Variants in CSMD1 observed in about 807,000 individuals in gnomAD.
CSMD1 encodes the protein CUB and Sushi multiple domains 1, also known as CUB and sushi domain-containing protein 1.
Under a neutral mutation model 417.5 loss-of-function variants are expected in CSMD1, and 213 were observed. The observed-to-expected ratio is 0.51, with a 90% CI of 0.46 to 0.57. The LOEUF is 0.57. Ranked by LOEUF, CSMD1 falls within the 20% of genes least tolerant of loss-of-function variation. The pLI is 0.00. For missense variants in CSMD1, 6,923 were observed against 4,529.7 expected, an observed-to-expected ratio of 1.53 and a Z score of -15.17; for synonymous variants, 2,862 against 1,736.8, an observed-to-expected ratio of 1.65 and a Z score of -16.11.
At chr8:3,907,037 G>T (rs755722496) in intron 5 of CSMD1, among the ~76,000 whole-genome samples, 1 of 152,074 alleles carries the variant, frequency 6.6e-6, no homozygotes, top group East Asian at 1.9e-4. Context: ...AAAAATGGCT[G>T]GGAGAGCTTA....
At chr8:4,294,507 C>A (rs1219805963) in intron 3 of CSMD1, among the ~76,000 whole-genome samples, 1 of 152,108 alleles carries the variant, frequency 6.6e-6, no homozygotes, top group African/African-American at 2.4e-5. Flanking sequence ...AGGATAATGC[C>A]ATGAGTTCCT....
intron 3 of CSMD1, among the ~76,000 whole-genome samples, chr8:4,413,327 G>C (rs796150217): frequency 6.6e-6 from 1 of 152,104 alleles, no homozygotes; most frequent in African/African-American, 2.4e-5. Flanking sequence ...CGCTCGTGGG[G>C]CTGCCCAAAC....
intron 5 of CSMD1, among the ~76,000 whole-genome samples, chr8:3,955,650 T>C (rs1405231516): frequency 6.6e-6 from 1 of 152,118 alleles, no homozygotes; most frequent in African/African-American, 2.4e-5. Flanking sequence ...TACTTCCTCT[T>C]TCACCGATTC....
chr8:4,588,558 G>A (rs1191823210), intron 2 of CSMD1, among the ~76,000 whole-genome samples: 3 of 152,032 alleles, frequency 2.0e-5, no homozygotes, highest in East Asian at 2.0e-4. Flanking sequence ...CCTTTCGGAG[G>A]CCGAGTCTGG....
intron 25 of CSMD1, among the ~76,000 whole-genome samples, chr8:3,292,010 G>T (rs572188852): frequency 6.6e-6 from 1 of 151,902 alleles, no homozygotes; most frequent in Non-Finnish European, 1.5e-5. Flanking sequence ...GTGTCCCAGA[G>T]ATTCTGGTAT....
chr8:3,355,717 G>T (rs374366433), intron 21 of CSMD1, among the ~76,000 whole-genome samples: 1 of 152,156 alleles, frequency 6.6e-6, no homozygotes. Flanking sequence ...TGATGAGGTT[G>T]AACCCTTGAT....
chr8:4,988,911 A>G (rs867468968), intron 1 of CSMD1, among the ~76,000 whole-genome samples: 1 of 152,216 alleles, frequency 6.6e-6, no homozygotes, highest in Middle Eastern at 3.4e-3. Context: ...ATGTCCTTCT[A>G]TTCTTTTTCC....
At chr8:4,945,369 T>G (rs181264234) in intron 1 of CSMD1, among the ~76,000 whole-genome samples, 7 of 152,282 alleles carry the variant, frequency 4.6e-5, no homozygotes, top group Admixed American at 3.9e-4. Flanking sequence ...ACTTCTGAAC[T>G]GCCTGCCGAA....
chr8:3,921,522 G>C (rs1026799482), intron 5 of CSMD1, among the ~76,000 whole-genome samples: 1 of 151,670 alleles, frequency 6.6e-6, no homozygotes, highest in Non-Finnish European at 1.5e-5. Context: ...TTTCATGTAG[G>C]CCATCATTTC....
intron 7 of CSMD1, among the ~76,000 whole-genome samples, chr8:3,651,301 C>G (rs1797844046): frequency 1.3e-5 from 2 of 152,152 alleles, no homozygotes. Flanking sequence ...AGCCCAAATC[C>G]TTACATTGAT....
chr8:3,517,328 A>C (rs973747705), intron 10 of CSMD1, among the ~76,000 whole-genome samples: 2 of 152,226 alleles, frequency 1.3e-5, no homozygotes, highest in African/African-American at 4.8e-5. Context: ...AGGCAATCCA[A>C]GTAAAATTTA....
At chr8:4,798,506 C>G (rs1435717589) in intron 1 of CSMD1, among the ~76,000 whole-genome samples, 1 of 152,142 alleles carries the variant, frequency 6.6e-6, no homozygotes, top group Non-Finnish European at 1.5e-5. Context: ...ATTGCTTACT[C>G]TGATATGTGA....
chr8:3,209,019 A>T (rs1797454876), intron 30 of CSMD1, among the ~76,000 whole-genome samples: 2 of 152,200 alleles, frequency 1.3e-5, no homozygotes, highest in African/African-American at 2.4e-5. Flanking sequence ...ACATGTTTCA[A>T]AGTATAACTA....
chr8:4,744,710 G>A (rs865892228), intron 1 of CSMD1, among the ~76,000 whole-genome samples: 1 of 152,210 alleles, frequency 6.6e-6, no homozygotes, highest in South Asian at 2.1e-4. Context: ...GCTTTTCTCA[G>A]GTCATGGTTT....
chr8:4,705,083 T>C (rs1437027844), intron 1 of CSMD1, among the ~76,000 whole-genome samples: 1 of 152,064 alleles, frequency 6.6e-6, no homozygotes, highest in Non-Finnish European at 1.5e-5. Context: ...GATATGATGG[T>C]TTTATAAGTG....
At chr8:4,478,747 T>C (rs1230374097) in intron 2 of CSMD1, among the ~76,000 whole-genome samples, 3 of 152,208 alleles carry the variant, frequency 2.0e-5, no homozygotes, top group East Asian at 3.8e-4. Context: ...CCTTAGCTCA[T>C]AGAAATTCAT....
At chr8:3,853,620 C>G (rs77095486) in intron 5 of CSMD1, among the ~76,000 whole-genome samples, 1 of 151,684 alleles carries the variant, frequency 6.6e-6, no homozygotes, top group Admixed American at 6.6e-5. Context: ...AAGAAGGAGA[C>G]CTTGTGCCCC....
At position 3,252,138 on chromosome 8, in the gene CSMD1, A is replaced by C. The variant is rs182932813; in HGVS notation, c.4154-21907T>G. The stretch of plus-strand genomic sequence containing the variant: ...TGAGAGAGCGCATCCCTGTCTTGTG[A>C]CAGTTTGCAAAGGGAATGCTTCCAG... On this transcript the variant is annotated intron_variant, in intron 26 of 69. Transcript: ENST00000635120. Among the ~76,000 whole-genome samples, 3,408 of 152,240 alleles carry C rather than the reference A, an allele frequency of 0.022. 267 individuals are homozygous for C. In the East Asian group the frequency reaches 0.23, roughly 10 times the overall value.
chr8:3,753,950 C>A lies in CSMD1; in HGVS notation c.911G>T (p.Gly304Val). The A allele has an allele frequency of 6.2e-7, 1 of 1,610,504 alleles. No homozygotes were observed. Among genetic ancestry groups the A allele is most frequent in the Non-Finnish European group, 8.5e-7 (1 of 1,177,830 alleles). ...CTTACCTTGGAACTGAGCGTTAAATCCTTTGCGTCGGTGGTTGCTGTCAGA... is the reference window on the plus strand; with the variant it reads ...CTTACCTTGGAACTGAGCGTTAAATACTTTGCGTCGGTGGTTGCTGTCAGA... ...FTSDSNHRRK[G>V]FNAQFQVKKA... Residue 304 changes from glycine (G) to valine (V), a missense_variant, in exon 6 of 70, where the codon GGA becomes GTA. Physicochemically the swap from Gly to Val is moderately radical, Grantham distance 109. Coordinates refer to ENST00000635120, the MANE Select transcript of CSMD1 (RefSeq NM_033225.6).
Sources: gnomAD v4.1 joint callset for allele counts (sites outside exome capture counted in the v4.1 genomes callset) on GRCh38, gnomAD v4.1.1 for gene constraint, MANE v1.5 for transcripts, NCBI Gene and HGNC (gene_info 2026-07-23, HGNC 2026-07-21) for gene names.